The following ALMS1 variants were observed in gnomAD, a reference collection of about 807,000 sequenced individuals.
ALMS1 encodes centrosome-associated protein ALMS1.
In ALMS1, 271 loss-of-function variants were observed where a neutral mutation model predicts 352.2. The observed-to-expected ratio is 0.77, with a 90% CI of 0.70 to 0.85. The LOEUF is 0.85. Ranked by LOEUF, ALMS1 falls within the 40% of genes least tolerant of loss-of-function variation. The probability of loss-of-function intolerance (pLI) is 0.00; values close to 1 mark genes in which losing one functional copy is unlikely to be tolerated. For synonymous variants in ALMS1, 1,865 were observed against 1,761.2 expected, an observed-to-expected ratio of 1.06 and a Z score of -1.48; for missense variants, 5,445 against 4,870.7, an observed-to-expected ratio of 1.12 and a Z score of -3.51.
At chr2:73,526,034 G>A (rs967128034) in intron 11 of ALMS1, among the ~76,000 whole-genome samples, 23 of 152,078 alleles carry the variant, frequency 1.5e-4, no homozygotes, top group Non-Finnish European at 2.8e-4. Flanking sequence ...TGAAGAGACC[G>A]TCTTTTTCCC....
intron 9 of ALMS1, among the ~76,000 whole-genome samples, chr2:73,472,092 A>T (rs1313365960): frequency 6.6e-6 from 1 of 152,104 alleles, no homozygotes; most frequent in Non-Finnish European, 1.5e-5. Flanking sequence ...ATCCAGTCAC[A>T]GAAGGACAAA....
intron 10 of ALMS1, among the ~76,000 whole-genome samples, chr2:73,507,800 A>T (rs923217698): frequency 6.6e-6 from 1 of 151,524 alleles, no homozygotes; most frequent in African/African-American, 2.4e-5. Flanking sequence ...GATCTTAGCT[A>T]TTTCTTGTCT....
intron 11 of ALMS1, among the ~76,000 whole-genome samples, chr2:73,533,188 A>G (rs1231605484): frequency 6.6e-6 from 1 of 152,214 alleles, no homozygotes; most frequent in Non-Finnish European, 1.5e-5. Context: ...AGGTTTGGGT[A>G]TGGAGTGGTG....
chr2:73,609,730 A>C lies in ALMS1; in HGVS notation c.*118A>C. The C allele has an allele frequency of 1.9e-6, 2 of 1,032,262 alleles. No individual in the cohort carries two copies. The highest frequency in any genetic ancestry group is 3.0e-6 in the Non-Finnish European group (2 of 666,008). The allele number at this position is 1,032,262 out of a possible 1,614,324, so 63.9% of individuals were successfully genotyped here. On this transcript the variant is annotated 3_prime_UTR_variant, in exon 23 of 23. Coordinates refer to ENST00000613296, the MANE Select transcript of ALMS1 (RefSeq NM_001378454.1). ...TATTCTTTGTCCATGTGTATTTTAG[A>C]AATAGTAACTTCTAAAGAGTCTGGA...
chr2:73,482,000 A>T (rs994784482), intron 9 of ALMS1, among the ~76,000 whole-genome samples: 97 of 152,254 alleles, frequency 6.4e-4, no homozygotes, highest in Middle Eastern at 3.4e-3. Flanking sequence ...GGTTTTCTAG[A>T]TATACAATCA....
rs1191822689 is a variant in ALMS1 at position 73,494,791 on chromosome 2, C to T, written c.9539+3293C>T. ...TAAAGTGGTATCTGCTAGGATTCTC[C>T]ACTGTAAGGTTATTGTTTTTCCTTT... On this transcript the variant is annotated intron_variant, in intron 10 of 22. Transcript: ENST00000613296. Among the ~76,000 whole-genome samples the T allele has an allele frequency of 3.3e-5, 5 of 152,278 alleles. No homozygotes were observed. In the East Asian group the frequency reaches 9.6e-4, roughly 29 times the overall value.
At chr2:73,555,053 A>G (rs1305168867) in intron 13 of ALMS1, among the ~76,000 whole-genome samples, 1 of 152,240 alleles carries the variant, frequency 6.6e-6, no homozygotes, top group Non-Finnish European at 1.5e-5. Context: ...AATTGTAATA[A>G]TAAAGATGTC....
chr2:73,521,806 A>G (rs981226095), intron 11 of ALMS1, among the ~76,000 whole-genome samples: 2 of 152,152 alleles, frequency 1.3e-5, no homozygotes, highest in South Asian at 2.1e-4. Context: ...GGATCAATTT[A>G]TAGAGGCCAT....
At chr2:73,461,137 C>A (rs1171532901) in intron 9 of ALMS1, among the ~76,000 whole-genome samples, 1 of 152,220 alleles carries the variant, frequency 6.6e-6, no homozygotes, top group Non-Finnish European at 1.5e-5. Flanking sequence ...GGCAGACTGC[C>A]TCCTCAAGTG....
intron 13 of ALMS1, among the ~76,000 whole-genome samples, chr2:73,554,054 A>G (rs1369334457): frequency 6.6e-6 from 1 of 152,228 alleles, no homozygotes; most frequent in Non-Finnish European, 1.5e-5. Context: ...GGAACTGCTG[A>G]CTTTTCTTGT....
chr2:73,433,488 T>C (rs1193838486), intron 7 of ALMS1, among the ~76,000 whole-genome samples: 3 of 152,162 alleles, frequency 2.0e-5, no homozygotes, highest in Non-Finnish European at 4.4e-5. Flanking sequence ...GAATAGGTAA[T>C]TTTGGTCAGA....
chr2:73,599,081 G>A (rs188966359), intron 16 of ALMS1, among the ~76,000 whole-genome samples: 91 of 152,254 alleles, frequency 6.0e-4, no homozygotes, highest in Middle Eastern at 3.4e-3. Flanking sequence ...TTATGTGCAG[G>A]TGTCACTTCA....
Position 73,566,108 on chromosome 2 carries a change from G to A in ALMS1, c.10385-6154G>A, listed in dbSNP as rs183840990. 1.1e-3 allele frequency among the ~76,000 whole-genome samples: 174 copies of A among 152,226 alleles called. 1 individual carries two copies. The highest frequency in any genetic ancestry group is 3.5e-3 in the African/African-American group (147 of 41,530). The stretch of plus-strand genomic sequence containing the variant: ...GGGTATGGGGTATAGGTAATCATCT[G>A]TACTGTTGTCACCGTTTTTCTGTAA... On this transcript the variant is annotated intron_variant, in intron 15 of 22. Transcript: ENST00000613296.
intron 1 of ALMS1, among the ~76,000 whole-genome samples, chr2:73,395,624 A>G (rs910171951): frequency 2.6e-5 from 4 of 152,118 alleles, no homozygotes; most frequent in African/African-American, 4.8e-5. Context: ...CTTGATTTTT[A>G]TATATATTAA....
intron 13 of ALMS1, among the ~76,000 whole-genome samples, chr2:73,556,097 G>T (rs1391833974): frequency 6.6e-6 from 1 of 152,050 alleles, no homozygotes; most frequent in African/African-American, 2.4e-5. Context: ...CATTATATTT[G>T]TAATATTTTA....
At chr2:73,485,097 G>C (rs1672800000) in intron 9 of ALMS1, among the ~76,000 whole-genome samples, 1 of 152,208 alleles carries the variant, frequency 6.6e-6, no homozygotes, top group Non-Finnish European at 1.5e-5. Flanking sequence ...TCTCCATCCA[G>C]CTTTGTTCCA....
At chr2:73,464,507 C>G (rs1462193815) in intron 9 of ALMS1, among the ~76,000 whole-genome samples, 1 of 152,208 alleles carries the variant, frequency 6.6e-6, no homozygotes, top group African/African-American at 2.4e-5. Flanking sequence ...TGGGCAAAAA[C>G]TGGAAGCATT....
intron 4 of ALMS1, among the ~76,000 whole-genome samples, chr2:73,423,540 G>A (rs1292599334): frequency 2.0e-5 from 3 of 149,232 alleles, no homozygotes; most frequent in African/African-American, 7.6e-5. Flanking sequence ...AAACATATTT[G>A]GAATTATTCA....
At chr2:73,505,564 G>T (rs183323130) in intron 10 of ALMS1, among the ~76,000 whole-genome samples, 3 of 152,164 alleles carry the variant, frequency 2.0e-5, no homozygotes, top group South Asian at 4.2e-4. Flanking sequence ...TTTTGATGGG[G>T]TTGTTTGTTT....
Sources: allele counts gnomAD v4.1 joint callset (sites outside exome capture counted in the v4.1 genomes callset), GRCh38; gene constraint gnomAD v4.1.1; transcripts MANE v1.5; gene names NCBI Gene and HGNC (gene_info 2026-07-23, HGNC 2026-07-21).